Variants in R3HDM2 observed in about 807,000 individuals in gnomAD.
R3HDM2 encodes R3H domain-containing protein 2.
In R3HDM2, 38 loss-of-function variants were observed where a neutral mutation model predicts 124.5. That is an observed-to-expected ratio of 0.31 (90% CI 0.24 to 0.40). The LOEUF (loss-of-function observed/expected upper bound fraction) is 0.40. R3HDM2 is among the 10% of genes least tolerant of loss of function. The probability of loss-of-function intolerance (pLI) is 1.00; values close to 1 mark genes in which losing one functional copy is unlikely to be tolerated. For synonymous variants in R3HDM2, 391 were observed against 448.0 expected (o/e 0.87, Z 1.61); for missense variants, 869 against 1,236.9 (o/e 0.70, Z 4.46).
At chr12:57,378,250 G>A (rs1342824705) in intron 2 of R3HDM2, among the ~76,000 whole-genome samples, 2 of 152,072 alleles carry the variant, frequency 1.3e-5, no homozygotes, top group Non-Finnish European at 2.9e-5. Flanking sequence ...TTCCTATCAT[G>A]GGCAAAAAGG....
chr12:57,333,968 G>A (rs1457459294), intron 2 of R3HDM2, among the ~76,000 whole-genome samples: 1 of 152,074 alleles, frequency 6.6e-6, no homozygotes, highest in East Asian at 1.9e-4. Context: ...GAACCCAGGA[G>A]GCAGAGGCTG....
At chr12:57,295,222 T>TC (rs771341145) in intron 10 of R3HDM2, among the ~76,000 whole-genome samples, 177 bp downstream of exon 10, 2 of 152,172 alleles carry the variant, frequency 1.3e-5, no homozygotes, top group Non-Finnish European at 2.9e-5. Flanking sequence ...GAGGGTGGCA[T>TC]CCAGTTCAAC....
chr12:57,296,589 A>G lies in R3HDM2; in HGVS notation c.561-38T>C. ...CCGGGGAAAAAAAGTGAAATAAGAC[A>G]AACAACTGCAATAACAACCAATTTT... On this transcript the variant is annotated intron_variant, in intron 8 of 23. Coordinates refer to ENST00000402412, the MANE Select transcript of R3HDM2 (RefSeq NM_001394031.1). The surrounding 1 kb of genome is among the most constrained non-coding windows in gnomAD (Gnocchi z 4.5). 1 of 1,538,284 alleles carries G rather than the reference A, an allele frequency of 6.5e-7. No homozygotes were observed. The highest frequency in any genetic ancestry group is 1.2e-5 in the South Asian group (1 of 82,968).
At chr12:57,356,671 G>A (rs973432613) in intron 2 of R3HDM2, among the ~76,000 whole-genome samples, 1 of 152,148 alleles carries the variant, frequency 6.6e-6, no homozygotes, top group Non-Finnish European at 1.5e-5. Flanking sequence ...TTCTTGATAA[G>A]ACTTCAGCAG....
intron 1 of R3HDM2, among the ~76,000 whole-genome samples, chr12:57,408,679 T>C (rs1409392406): frequency 6.6e-6 from 1 of 152,124 alleles, no homozygotes; most frequent in East Asian, 1.9e-4. Context: ...TTGTTGCTTC[T>C]GAATACATAC....
At chr12:57,320,699 T>C (rs1378646213) in intron 2 of R3HDM2, among the ~76,000 whole-genome samples, 4 of 152,160 alleles carry the variant, frequency 2.6e-5, no homozygotes, top group Non-Finnish European at 5.9e-5. Flanking sequence ...GGGAGAATAC[T>C]GCATATTCCC....
chr12:57,336,511 C>T (rs1217149321), intron 2 of R3HDM2, among the ~76,000 whole-genome samples: 2 of 152,070 alleles, frequency 1.3e-5, no homozygotes, highest in Non-Finnish European at 2.9e-5. Flanking sequence ...ATGTCTTTTG[C>T]AGGAACAGGG....
intron 2 of R3HDM2, among the ~76,000 whole-genome samples, chr12:57,364,177 T>C (rs2137688830): frequency 7.8e-6 from 1 of 128,436 alleles, no homozygotes; most frequent in African/African-American, 2.9e-5. Context: ...AGATGGAGTA[T>C]CACTCTGTCA....
intron 14 of R3HDM2, among the ~76,000 whole-genome samples, chr12:57,272,087 A>G (rs2043716755): frequency 6.6e-6 from 1 of 152,164 alleles, no homozygotes; most frequent in African/African-American, 2.4e-5. Context: ...AGGAAATTAT[A>G]GAGAACCATT....
At chr12:57,339,620 C>A (rs2059303943) in intron 2 of R3HDM2, among the ~76,000 whole-genome samples, 1 of 151,696 alleles carries the variant, frequency 6.6e-6, no homozygotes, top group Non-Finnish European at 1.5e-5. Context: ...ACTGCTTGAA[C>A]CCGGGAGGTG....
At chr12:57,397,486 A>C (rs2067664037) in intron 1 of R3HDM2, among the ~76,000 whole-genome samples, 1 of 152,190 alleles carries the variant, frequency 6.6e-6, no homozygotes, top group South Asian at 2.1e-4. Context: ...TTGATATCTT[A>C]ACAAAGGTTT....
intron 2 of R3HDM2, among the ~76,000 whole-genome samples, chr12:57,353,580 TTTA>T (rs2060910734): frequency 6.6e-6 from 1 of 152,140 alleles, no homozygotes; most frequent in Admixed American, 6.6e-5. Flanking sequence ...CCATTTATTA[TTTA>T]TTTTTATTTT....
In R3HDM2 at chr12:57,315,947, C is replaced by CA. The variant is rs533075301; in HGVS notation, c.-35-5485dup. ...CCAGCCTGGGCAACATGGCAAACCCCATCTCTACCAAAAATACAAAAATTA... is the reference window on the plus strand; with the variant it reads ...CCAGCCTGGGCAACATGGCAAACCCCAATCTCTACCAAAAATACAAAAATTA... On this transcript the variant is annotated intron_variant, in intron 2 of 23. Coordinates refer to ENST00000402412, the MANE Select transcript of R3HDM2 (RefSeq NM_001394031.1). 3.3e-4 allele frequency among the ~76,000 whole-genome samples: 50 copies of CA among 152,284 alleles called. 1 individual carries two copies. The East Asian group carries it at 9.1e-3, about 28-fold the overall frequency.
At chr12:57,398,674 C>T (rs1433760229) in intron 1 of R3HDM2, among the ~76,000 whole-genome samples, 12 of 151,964 alleles carry the variant, frequency 7.9e-5, no homozygotes, top group African/African-American at 1.5e-4. Flanking sequence ...TTTTTAGTAC[C>T]GACAAAGTTT....
intron 14 of R3HDM2, among the ~76,000 whole-genome samples, chr12:57,275,946 A>G (rs912577553): frequency 3.9e-5 from 6 of 152,320 alleles, no homozygotes; most frequent in Non-Finnish European, 7.4e-5. Flanking sequence ...GGCCGGGCGC[A>G]GTGGCTCATG....
At chr12:57,376,886 G>A (rs547809286) in intron 2 of R3HDM2, among the ~76,000 whole-genome samples, 219 of 151,780 alleles carry the variant, frequency 1.4e-3, no homozygotes, top group African/African-American at 4.1e-3. Context: ...AGGAGGCGGC[G>A]GTTGCAATGA....
chr12:57,269,678 C>A, intron 15 of R3HDM2, 74 bp downstream of exon 15: 2 of 1,591,682 alleles, frequency 1.3e-6, no homozygotes, highest in Non-Finnish European at 1.7e-6. Context: ...TCTGTCTAAA[C>A]TGGAGGAATA....
chr12:57,298,053 CT>C (rs2050273074), intron 7 of R3HDM2, 36 bp downstream of exon 7: 2 of 1,466,596 alleles, frequency 1.4e-6, no homozygotes, highest in African/African-American at 2.8e-5. Flanking sequence ...TTGCTATCCC[CT>C]AACCCCTTTT....
In R3HDM2 at chr12:57,268,426, A is replaced by C. The variant is rs747395490; in HGVS notation, c.1907T>G (p.Val636Gly). The C allele has an allele frequency of 3.1e-5, 50 of 1,613,990 alleles. No individual in the cohort carries two copies. In the South Asian group the frequency reaches 5.5e-4, roughly 18 times the overall value. The change falls in exon 18 of 24, where the codon GTC (valine) becomes GGC (glycine). Residue 636 changes from valine (V) to glycine (G), a missense_variant. By Grantham distance (109) the Val-to-Gly change is moderately radical. Coordinates refer to ENST00000402412, the MANE Select transcript of R3HDM2 (RefSeq NM_001394031.1). ...CATGGGTTGCTGGAAAGGCGGCTGG[A>C]CCACATTTTGCGAGTCACTACCCAC... ...VPVGSDSQNVVQPPFQQPMLV... is the reference protein window; with the variant it reads ...VPVGSDSQNVGQPPFQQPMLV...
Sources: allele counts gnomAD v4.1 joint callset (sites outside exome capture counted in the v4.1 genomes callset), GRCh38; gene constraint gnomAD v4.1.1; non-coding constraint Gnocchi (gnomAD v3.1); transcripts MANE v1.5; gene names NCBI Gene and HGNC (gene_info 2026-07-23, HGNC 2026-07-21).